The following ROR2 variants were observed in gnomAD, a reference collection of about 807,000 sequenced individuals.
ROR2 encodes ROR family WNT receptor 2, also known as tyrosine-protein kinase transmembrane receptor ROR2.
ROR2 carries 33 observed loss-of-function variants against 74.9 expected under a neutral mutation model. The observed-to-expected ratio is 0.44, with a 90% CI of 0.33 to 0.59. The LOEUF is 0.59. Among genes scored for constraint, ROR2 ranks in the 20% least tolerant of loss-of-function variants. ROR2 has a pLI of 0.02. For missense variants in ROR2, 1,216 were observed against 1,313.8 expected, an observed-to-expected ratio of 0.93 and a Z score of 1.15; for synonymous variants, 586 against 558.7, an observed-to-expected ratio of 1.05 and a Z score of -0.69.
chr9:91,810,246 G>A (rs746715893), intron 1 of ROR2, among the ~76,000 whole-genome samples: 2 of 152,310 alleles, frequency 1.3e-5, no homozygotes, highest in East Asian at 1.9e-4. Flanking sequence ...CTGGGCTGGC[G>A]TCTTTGGGAA....
intron 1 of ROR2, among the ~76,000 whole-genome samples, chr9:91,862,795 A>AG (rs1829509880): frequency 6.6e-6 from 1 of 152,244 alleles, no homozygotes; most frequent in Admixed American, 6.5e-5. Context: ...GAACTGTGAG[A>AG]AATACATTTC....
intron 1 of ROR2, among the ~76,000 whole-genome samples, chr9:91,839,478 C>T (rs1044989824): frequency 4.0e-5 from 6 of 149,878 alleles, no homozygotes; most frequent in East Asian, 2.0e-4. Context: ...GGTGTATACG[C>T]GTGAGGATAT....
At chr9:91,883,455 T>C (rs2119371390) in intron 1 of ROR2, 1 of 152,262 alleles carries the variant, frequency 6.6e-6, no homozygotes, top group South Asian at 2.1e-4. Context: ...TCCAATATAG[T>C]AGCCACTAGC....
chr9:91,852,620 C>T (rs1224303528), intron 1 of ROR2, among the ~76,000 whole-genome samples: 2 of 77,872 alleles, frequency 2.6e-5, no homozygotes, highest in African/African-American at 4.0e-5. Flanking sequence ...ATGGAAAACA[C>T]ACAAACACAC....
intron 1 of ROR2, among the ~76,000 whole-genome samples, chr9:91,835,384 T>C (rs1828580745): frequency 6.6e-6 from 1 of 152,176 alleles, no homozygotes; most frequent in Non-Finnish European, 1.5e-5. Flanking sequence ...ATTTATGGGC[T>C]CCATTGCTCT....
chr9:91,864,031 G>A (rs1196127012), intron 1 of ROR2, among the ~76,000 whole-genome samples: 1 of 152,164 alleles, frequency 6.6e-6, no homozygotes. Context: ...CAGAAACAAA[G>A]TGGAAAATAA....
chr9:91,769,630 T>G (rs1225176498), intron 2 of ROR2, among the ~76,000 whole-genome samples: 2 of 151,980 alleles, frequency 1.3e-5, no homozygotes, highest in Non-Finnish European at 2.9e-5. Flanking sequence ...CACGCCCGCC[T>G]CCTGCCTGGA....
At chr9:91,857,665 CT>C (rs1405193140) in intron 1 of ROR2, among the ~76,000 whole-genome samples, 1 of 152,168 alleles carries the variant, frequency 6.6e-6, no homozygotes, top group Non-Finnish European at 1.5e-5. Context: ...AGGCAGGCCC[CT>C]GTCTTCTGGG....
At chr9:91,777,696 G>C (rs77055208) in intron 1 of ROR2, among the ~76,000 whole-genome samples, 2 of 151,848 alleles carry the variant, frequency 1.3e-5, no homozygotes, top group African/African-American at 4.8e-5. Flanking sequence ...TCATCCCCCC[G>C]CCAACTCTAT....
At chr9:91,911,271 C>T (rs947909954) in intron 1 of ROR2, among the ~76,000 whole-genome samples, 9 of 152,212 alleles carry the variant, frequency 5.9e-5, no homozygotes, top group African/African-American at 2.2e-4. Context: ...GTCTTCAGGC[C>T]ATTCTGTTGC....
At chr9:91,800,672 G>A (rs187953280) in intron 1 of ROR2, among the ~76,000 whole-genome samples, 129 of 152,298 alleles carry the variant, frequency 8.5e-4, no homozygotes, top group African/African-American at 3.0e-3. Flanking sequence ...AGGAAGGGGC[G>A]AGGGACCAGA....
rs1248678148 is a variant in ROR2 at position 91,733,813 on chromosome 9, T to C, written c.623-377A>G. Among the ~76,000 whole-genome samples the C allele has an allele frequency of 6.6e-6, 1 of 152,102 alleles. No individual in the cohort carries two copies. The highest frequency in any genetic ancestry group is 1.5e-5 in the Non-Finnish European group (1 of 68,026). On this transcript the variant is annotated intron_variant, in intron 5 of 8. Transcript: ENST00000375708. The surrounding 1 kb of genome is among the most constrained non-coding windows in gnomAD (Gnocchi z 5.7). ...AAAAGCAGATCCTAAGGACCCGCCA[T>C]GTGTGGAGAGCGCAGGCCAAGAAGT...
intron 1 of ROR2, among the ~76,000 whole-genome samples, chr9:91,866,348 G>C (rs947069831): frequency 3.3e-5 from 5 of 150,756 alleles, no homozygotes; most frequent in African/African-American, 1.2e-4. Context: ...TCAAACTTCT[G>C]ATCTCATTAT....
chr9:91,767,001 A>C (rs1159990483), intron 2 of ROR2, among the ~76,000 whole-genome samples: 1 of 152,200 alleles, frequency 6.6e-6, no homozygotes, highest in Non-Finnish European at 1.5e-5. Flanking sequence ...TCCAAGCATC[A>C]AAACAACCCA....
intron 4 of ROR2, among the ~76,000 whole-genome samples, chr9:91,750,301 T>C (rs529470091): frequency 2.0e-5 from 3 of 152,360 alleles, no homozygotes; most frequent in Non-Finnish European, 4.4e-5. Flanking sequence ...ACTGAATTAG[T>C]GAATATTGAG....
chr9:91,755,077 C>T (rs1825702348), intron 4 of ROR2, among the ~76,000 whole-genome samples: 1 of 152,140 alleles, frequency 6.6e-6, no homozygotes, highest in African/African-American at 2.4e-5. Context: ...ATGGCCTGAG[C>T]CCAGGAGTAC....
chr9:91,897,291 CTT>C (rs1830559407), intron 1 of ROR2, among the ~76,000 whole-genome samples: 1 of 152,232 alleles, frequency 6.6e-6, no homozygotes, highest in African/African-American at 2.4e-5. Flanking sequence ...AACATGGTCT[CTT>C]GTTTTAGGCC....
At chr9:91,744,509 GC>G (rs2118774360) in intron 4 of ROR2, among the ~76,000 whole-genome samples, 2 of 152,198 alleles carry the variant, frequency 1.3e-5, no homozygotes, top group South Asian at 4.2e-4. Flanking sequence ...ACACGCGTGA[GC>G]CACCACGCCC....
At chr9:91,937,460 G>A (rs1024429966) in intron 1 of ROR2, among the ~76,000 whole-genome samples, 3 of 151,684 alleles carry the variant, frequency 2.0e-5, no homozygotes, top group Admixed American at 6.6e-5. Flanking sequence ...ACGCCCCAGG[G>A]GTCTAGATGC....
Sources: allele counts gnomAD v4.1 joint callset (sites outside exome capture counted in the v4.1 genomes callset), GRCh38; gene constraint gnomAD v4.1.1; non-coding constraint Gnocchi (gnomAD v3.1); transcripts MANE v1.5; gene names NCBI Gene and HGNC (gene_info 2026-07-23, HGNC 2026-07-21).